Variants in SMARCAL1 observed in about 807,000 individuals in gnomAD.
SMARCAL1 encodes SNF2 related chromatin remodeling annealing helicase 1.
SMARCAL1 carries 58 observed loss-of-function variants against 94.5 expected under a neutral mutation model. That is an observed-to-expected ratio of 0.61 (90% CI 0.50 to 0.76). The LOEUF is 0.76. SMARCAL1 is among the 30% of genes least tolerant of loss of function. The pLI is 0.00. For synonymous variants in SMARCAL1, 422 were observed against 455.1 expected (o/e 0.93, Z 0.93); for missense variants, 1,051 against 1,177.9 (o/e 0.89, Z 1.58).
intron 10 of SMARCAL1, among the ~76,000 whole-genome samples, chr2:216,442,639 C>G (rs1349725192): frequency 6.6e-6 from 1 of 152,172 alleles, no homozygotes; most frequent in Non-Finnish European, 1.5e-5. Flanking sequence ...CATTGTTTTA[C>G]ACTTGCCTTT....
chr2:216,412,832 GC>G (rs1383839702), intron 1 of SMARCAL1, 184 bp downstream of exon 1: 2 of 152,734 alleles, frequency 1.3e-5, no homozygotes, highest in Non-Finnish European at 2.9e-5. Flanking sequence ...GGCGTGGGGG[GC>G]GGGGGGCAGA....
At chr2:216,435,925 C>T (rs1299457156) in intron 9 of SMARCAL1, among the ~76,000 whole-genome samples, 8 of 152,122 alleles carry the variant, frequency 5.3e-5, no homozygotes, top group African/African-American at 1.7e-4. Flanking sequence ...TACACCCCCA[C>T]CCCACAAAAG....
chr2:216,456,761 C>T (rs1694577277), intron 12 of SMARCAL1, among the ~76,000 whole-genome samples: 1 of 152,198 alleles, frequency 6.6e-6, no homozygotes, highest in African/African-American at 2.4e-5. Context: ...TAAAGACCAT[C>T]AATGCTAGGA....
chr2:216,421,094 T>C (rs926866681), intron 5 of SMARCAL1, among the ~76,000 whole-genome samples: 2 of 152,102 alleles, frequency 1.3e-5, no homozygotes, highest in African/African-American at 4.8e-5. Context: ...GTGGTTCTGC[T>C]CTCGGCCTGC....
intron 12 of SMARCAL1, 120 bp from the exon 13 acceptor site, chr2:216,464,477 C>G: frequency 1.2e-6 from 1 of 812,408 alleles, no homozygotes. Flanking sequence ...GCACCAGGGT[C>G]TCCTGACTCT....
intron 4 of SMARCAL1, among the ~76,000 whole-genome samples, chr2:216,419,681 T>G (rs1292567495): frequency 6.6e-6 from 1 of 152,170 alleles, no homozygotes; most frequent in Non-Finnish European, 1.5e-5. Context: ...TTATTCATCC[T>G]GGCGAGCTTC....
At chr2:216,473,599 T>C (rs1459764403) in intron 14 of SMARCAL1, among the ~76,000 whole-genome samples, 3 of 152,106 alleles carry the variant, frequency 2.0e-5, no homozygotes, top group Non-Finnish European at 2.9e-5. Context: ...CACTTAACAA[T>C]ACAGTTTTAC....
chr2:216,423,306 G>A (rs1240241458), intron 5 of SMARCAL1, among the ~76,000 whole-genome samples: 1 of 152,204 alleles, frequency 6.6e-6, no homozygotes, highest in Non-Finnish European at 1.5e-5. Flanking sequence ...CTGCATAGGT[G>A]TGAGCTACAG....
At chr2:216,413,357 A>C (rs571801883) in intron 1 of SMARCAL1, among the ~76,000 whole-genome samples, 1 of 152,368 alleles carries the variant, frequency 6.6e-6, no homozygotes, top group East Asian at 1.9e-4. Flanking sequence ...GCTGCTTCTA[A>C]AATATTGTAA....
intron 12 of SMARCAL1, among the ~76,000 whole-genome samples, chr2:216,456,449 G>A (rs1185523360): frequency 1.3e-5 from 2 of 152,186 alleles, no homozygotes; most frequent in Admixed American, 1.3e-4. Context: ...CAGAGAGAAA[G>A]GTTGGGTTAC....
chr2:216,431,253 C>T (rs887977977), intron 7 of SMARCAL1, among the ~76,000 whole-genome samples: 2 of 152,246 alleles, frequency 1.3e-5, no homozygotes, highest in Non-Finnish European at 2.9e-5. Flanking sequence ...CTTGTCCGCC[C>T]TGCTAGCTGC....
At chr2:216,466,259 A>G (rs983781116) in intron 13 of SMARCAL1, among the ~76,000 whole-genome samples, 2 of 152,208 alleles carry the variant, frequency 1.3e-5, no homozygotes, top group Non-Finnish European at 2.9e-5. Context: ...AACTTTGGTC[A>G]TACCTTATAC....
intron 13 of SMARCAL1, among the ~76,000 whole-genome samples, chr2:216,466,499 A>G (rs553507330): frequency 2.0e-5 from 3 of 152,068 alleles, no homozygotes; most frequent in East Asian, 3.9e-4. Flanking sequence ...CAAAACCCCA[A>G]TTTCCTCAGC....
At chr2:216,479,761 T>G (rs911750715) in intron 17 of SMARCAL1, among the ~76,000 whole-genome samples, 6 of 152,194 alleles carry the variant, frequency 3.9e-5, no homozygotes, top group Non-Finnish European at 8.8e-5. Context: ...ATTACAAGCC[T>G]TTTGAAAAGA....
chr2:216,416,431 C>A (rs1344739293), intron 4 of SMARCAL1, 124 bp downstream of exon 4: 1 of 797,010 alleles, frequency 1.3e-6, no homozygotes, highest in Non-Finnish European at 2.2e-6. Flanking sequence ...CAGGGCACCC[C>A]CCCCAACACT....
chr2:216,471,025 G>T (rs1694954892), intron 14 of SMARCAL1, among the ~76,000 whole-genome samples: 1 of 151,858 alleles, frequency 6.6e-6, no homozygotes, highest in South Asian at 2.1e-4. Flanking sequence ...AGAATACATG[G>T]CCCTTTACCA....
chr2:216,420,419 T>A lies in SMARCAL1; in HGVS notation c.983T>A (p.Leu328His). 6.2e-7 allele frequency: 1 copy of A among 1,614,162 alleles called. No individual in the cohort carries two copies. The highest frequency in any genetic ancestry group is 8.5e-7 in the Non-Finnish European group (1 of 1,180,028). The part of the protein sequence containing the change: ...GQAGLPSAPS[L>H]SFVKGRCMLI... Reference sequence around the variant, plus strand: ...GCCGGCCTTCCATCAGCTCCATCCCTTTCATTTGTCAAAGGGCGATGCATG... The same window carrying A: ...GCCGGCCTTCCATCAGCTCCATCCCATTCATTTGTCAAAGGGCGATGCATG... Residue 328 changes from leucine to histidine, a missense_variant, in exon 5 of 18, where the codon CTT (leucine) becomes CAT (histidine). Physicochemically the swap from Leu to His is moderately conservative, Grantham distance 99. This residue lies in a region of SMARCAL1 where 398 missense variants were observed against 395.2 expected (regional missense o/e 1.01). Coordinates refer to ENST00000357276, the MANE Select transcript of SMARCAL1 (RefSeq NM_014140.4).
At position 216,423,397 on chromosome 2, in the gene SMARCAL1, C is replaced by T. The variant is rs76534703; in HGVS notation, c.1097-236C>T. Among the ~76,000 whole-genome samples the T allele has an allele frequency of 1.1e-3, 162 of 152,358 alleles. 3 individuals carry two copies. In the East Asian group the frequency reaches 0.026, roughly 25 times the overall value. Reference sequence around the variant, plus strand: ...TATCCTGTGGCACCTTTTATCACAACCCTTACAACCCAGTGTTGTCAGCAT... The same window carrying T: ...TATCCTGTGGCACCTTTTATCACAATCCTTACAACCCAGTGTTGTCAGCAT... On this transcript the variant is annotated intron_variant, in intron 5 of 17. Coordinates refer to ENST00000357276, the MANE Select transcript of SMARCAL1 (RefSeq NM_014140.4).
intron 7 of SMARCAL1, among the ~76,000 whole-genome samples, chr2:216,431,086 C>A (rs1693953180): frequency 6.6e-6 from 1 of 152,224 alleles, no homozygotes; most frequent in African/African-American, 2.4e-5. Context: ...CAGGCCCCCG[C>A]CCAGGCTGCA....
Sources: gnomAD v4.1 joint callset for allele counts (sites outside exome capture counted in the v4.1 genomes callset) on GRCh38, gnomAD v4.1.1 for gene constraint, gnomAD v4.1.1 regional missense constraint, MANE v1.5 for transcripts, NCBI Gene and HGNC (gene_info 2026-07-23, HGNC 2026-07-21) for gene names.